Variants in TDRD5 observed in about 807,000 individuals in gnomAD.
TDRD5 encodes the protein tudor domain-containing protein 5.
Under a neutral mutation model 120.6 loss-of-function variants are expected in TDRD5, and 41 were observed. That is an observed-to-expected ratio of 0.34 (90% CI 0.26 to 0.44). The LOEUF is 0.44. Ranked by LOEUF, TDRD5 falls within the 20% of genes least tolerant of loss-of-function variation. The pLI is 1.00. For missense variants in TDRD5, 1,006 were observed against 1,221.2 expected (o/e 0.82, Z 2.63); for synonymous variants, 430 against 433.7 (o/e 0.99, Z 0.11).
In TDRD5 at chr1:179,597,481, G is replaced by A. The variant is rs547117690; in HGVS notation, c.831+1663G>A. Among the ~76,000 whole-genome samples the A allele has an allele frequency of 4.5e-4, 69 of 151,786 alleles. 1 individual carries two copies. Among genetic ancestry groups the A allele is most frequent in the African/African-American group, 1.6e-3 (68 of 41,438 alleles). ...TGAGTAGCTGGGATTACAGGCGTCA[G>A]CCACCACACCTGGCTAATTTTTGTA... is the stretch of plus-strand genomic sequence containing the variant. On this transcript the variant is annotated intron_variant, in intron 4 of 17. Coordinates refer to ENST00000444136, the MANE Select transcript of TDRD5 (RefSeq NM_001199085.3).
chr1:179,592,797 C>A lies in TDRD5; in HGVS notation c.182C>A (p.Pro61His), dbSNP rs368063897. Residue 61 changes from proline (P) to histidine (H), a missense_variant, in exon 2 of 18, where the codon CCT becomes CAT. Coordinates refer to ENST00000444136, the MANE Select transcript of TDRD5 (RefSeq NM_001199085.3). ...ACTATGGAGCTGGTATTGGACATGC[C>A]TGATGTTGTTCGTGTCTGCCCCGGT... is the stretch of plus-strand genomic sequence containing the variant. ...RSTMELVLDMPDVVRVCPGAG... is the reference protein window; with the variant it reads ...RSTMELVLDMHDVVRVCPGAG... 1 of 1,614,130 alleles carries A rather than the reference C, an allele frequency of 6.2e-7. No individual in the cohort carries two copies. Among genetic ancestry groups the A allele is most frequent in the Admixed American group, 1.7e-5 (1 of 60,010 alleles).
At chr1:179,639,707 C>CATT in intron 9 of TDRD5, 132 bp from the exon 10 acceptor site, 1 of 819,430 alleles carries the variant, frequency 1.2e-6, no homozygotes, top group Non-Finnish European at 1.9e-6. Flanking sequence ...TATTAATGAG[C>CATT]ATTAACAATT....
chr1:179,605,785 C>T (rs558421909), intron 4 of TDRD5, among the ~76,000 whole-genome samples: 2 of 152,222 alleles, frequency 1.3e-5, no homozygotes, highest in Non-Finnish European at 2.9e-5. Flanking sequence ...TATGTCTTTT[C>T]ATGGCTTTAT....
intron 2 of TDRD5, 137 bp from the exon 3 acceptor site, chr1:179,593,323 A>G (rs1488196890): frequency 1.0e-6 from 1 of 969,098 alleles, no homozygotes; most frequent in African/African-American, 1.6e-5. Context: ...AAATCGAGGA[A>G]CCAAGAGTTA....
At chr1:179,684,912 T>G (rs1680619407) in intron 17 of TDRD5, among the ~76,000 whole-genome samples, 1 of 152,214 alleles carries the variant, frequency 6.6e-6, no homozygotes, top group Non-Finnish European at 1.5e-5. Context: ...TCTTGTAAAT[T>G]TATTTAAGTT....
At chr1:179,602,918 A>G (rs891765633) in intron 4 of TDRD5, among the ~76,000 whole-genome samples, 2 of 152,082 alleles carry the variant, frequency 1.3e-5, no homozygotes, top group Admixed American at 1.3e-4. Context: ...GTGAAGAATG[A>G]TAGTGATATT....
At chr1:179,661,933 A>G (rs1259501216) in intron 14 of TDRD5, among the ~76,000 whole-genome samples, 171 bp from the exon 15 acceptor site, 4 of 152,174 alleles carry the variant, frequency 2.6e-5, no homozygotes, top group African/African-American at 9.7e-5. Context: ...TAAAGATTAT[A>G]TCCTAAATCT....
chr1:179,610,325 C>T lies in TDRD5; in HGVS notation c.832-8274C>T, dbSNP rs111419309. Among the ~76,000 whole-genome samples, 288 of 152,250 alleles carry T rather than the reference C, an allele frequency of 1.9e-3. 1 individual carries two copies. Among genetic ancestry groups the T allele is most frequent in the Non-Finnish European group, 3.5e-3 (239 of 67,998 alleles). ...TTTGACATTTCCTGTGCCAAAGAAGCCTGAAACCAGCCTGTTTTTCTTCCT... is the reference window on the plus strand; with the variant it reads ...TTTGACATTTCCTGTGCCAAAGAAGTCTGAAACCAGCCTGTTTTTCTTCCT... On this transcript the variant is annotated intron_variant, in intron 4 of 17. Coordinates refer to ENST00000444136, the MANE Select transcript of TDRD5 (RefSeq NM_001199085.3).
chr1:179,687,857 G>A (rs1441444845), intron 17 of TDRD5, among the ~76,000 whole-genome samples: 6 of 144,536 alleles, frequency 4.2e-5, no homozygotes, highest in Admixed American at 1.4e-4. Flanking sequence ...CAGAGACTAG[G>A]ATTGCAACCC....
chr1:179,607,526 T>A (rs1226320416), intron 4 of TDRD5, among the ~76,000 whole-genome samples: 1 of 152,070 alleles, frequency 6.6e-6, no homozygotes, highest in Non-Finnish European at 1.5e-5. Flanking sequence ...GGATTCCACT[T>A]TATCTTTTTT....
chr1:179,651,968 T>C, intron 12 of TDRD5, 71 bp from the exon 13 acceptor site: 2 of 1,493,732 alleles, frequency 1.3e-6, no homozygotes, highest in Non-Finnish European at 1.8e-6. Flanking sequence ...TTGAAAGTTA[T>C]TAAGTGCTTT....
At chr1:179,592,323 A>C in intron 1 of TDRD5, 198 bp downstream of exon 1, 4 of 348,734 alleles carry the variant, frequency 1.1e-5, no homozygotes, top group Non-Finnish European at 2.2e-5. Flanking sequence ...TCGGATGGGA[A>C]GTTTGCGTTG....
chr1:179,634,618 C>G lies in TDRD5; in HGVS notation c.1288C>G (p.Pro430Ala), dbSNP rs771970370. 1 of 1,609,806 alleles carries G rather than the reference C, an allele frequency of 6.2e-7. No individual in the cohort carries two copies. Among genetic ancestry groups the G allele is most frequent in the Admixed American group, 1.7e-5 (1 of 58,844 alleles). Residue 430 changes from proline to alanine, a missense_variant, in exon 8 of 18, where the codon CCT becomes GCT. Transcript: ENST00000444136. ...CAAGAAGCCTAATCTGGTGGTAAAGCCTTTACAGCTGGTGAGTGAGGTTTA... is the reference window on the plus strand; with the variant it reads ...CAAGAAGCCTAATCTGGTGGTAAAGGCTTTACAGCTGGTGAGTGAGGTTTA... The part of the protein sequence containing the change: ...ICKKPNLVVK[P>A]LQLQVETNKS...
intron 11 of TDRD5, among the ~76,000 whole-genome samples, chr1:179,643,515 T>C (rs1331921076): frequency 1.3e-5 from 2 of 152,162 alleles, no homozygotes; most frequent in Non-Finnish European, 2.9e-5. Context: ...AAAGAAACTA[T>C]TTAAAATAAA....
At chr1:179,653,386 G>A (rs1678823672) in intron 13 of TDRD5, among the ~76,000 whole-genome samples, 1 of 151,938 alleles carries the variant, frequency 6.6e-6, no homozygotes, top group Non-Finnish European at 1.5e-5. Context: ...TTGACTACTG[G>A]GAGATTACCT....
chr1:179,687,621 C>G (rs1054588843), intron 17 of TDRD5, among the ~76,000 whole-genome samples: 6 of 152,136 alleles, frequency 3.9e-5, no homozygotes, highest in Non-Finnish European at 5.9e-5. Context: ...TCTCATTGAT[C>G]TGTCTAATGT....
chr1:179,608,359 T>C (rs919978066), intron 4 of TDRD5, among the ~76,000 whole-genome samples: 1 of 152,120 alleles, frequency 6.6e-6, no homozygotes, highest in South Asian at 2.1e-4. Flanking sequence ...AGAAATTTTG[T>C]CTTCAAATAT....
chr1:179,666,088 T>C (rs1211658162), intron 16 of TDRD5, among the ~76,000 whole-genome samples: 1 of 152,234 alleles, frequency 6.6e-6, no homozygotes, highest in Non-Finnish European at 1.5e-5. Context: ...GTTTTGCTTT[T>C]GAAAATTATG....
chr1:179,621,163 G>C, intron 6 of TDRD5, 72 bp downstream of exon 6: 1 of 1,392,232 alleles, frequency 7.2e-7, no homozygotes, highest in Non-Finnish European at 9.8e-7. Flanking sequence ...GAATTTTGTG[G>C]CTACTCCTTG....
Sources: allele counts gnomAD v4.1 joint callset (sites outside exome capture counted in the v4.1 genomes callset), GRCh38; gene constraint gnomAD v4.1.1; transcripts MANE v1.5; gene names NCBI Gene and HGNC (gene_info 2026-07-23, HGNC 2026-07-21).